Variants in HS3ST3A1 observed in about 807,000 individuals in gnomAD.
The protein encoded by HS3ST3A1 is heparan sulfate glucosamine 3-O-sulfotransferase 3A1.
A neutral mutation model predicts 25.7 loss-of-function variants in HS3ST3A1; 19 were observed. The observed-to-expected ratio is 0.74, with a 90% CI of 0.52 to 1.08. HS3ST3A1 has a LOEUF of 1.08. Among genes scored for constraint, HS3ST3A1 ranks in the 50% least tolerant of loss-of-function variants. The pLI is 0.00. For missense variants in HS3ST3A1, 459 were observed against 594.3 expected (o/e 0.77, Z 2.37); for synonymous variants, 226 against 278.6 (o/e 0.81, Z 1.88).
intron 1 of HS3ST3A1, among the ~76,000 whole-genome samples, chr17:13,498,777 T>A (rs1395741251): frequency 6.6e-6 from 1 of 152,178 alleles, no homozygotes; most frequent in Admixed American, 6.5e-5. Flanking sequence ...AATGGACAAT[T>A]TCCTCTGTAT....
chr17:13,552,172 C>T (rs1340880013), intron 1 of HS3ST3A1, among the ~76,000 whole-genome samples: 1 of 152,180 alleles, frequency 6.6e-6, no homozygotes, highest in African/African-American at 2.4e-5. Context: ...CTCCGCCTCC[C>T]AGGTTCACAT....
chr17:13,551,066 CA>C (rs3080921), intron 1 of HS3ST3A1, among the ~76,000 whole-genome samples: 7 of 123,948 alleles, frequency 5.6e-5, no homozygotes, highest in African/African-American at 6.5e-5. Context: ...GACTCTGTCT[CA>C]AAAAAAAAAA....
chr17:13,578,960 G>A (rs1167495529), intron 1 of HS3ST3A1, among the ~76,000 whole-genome samples: 1 of 151,896 alleles, frequency 6.6e-6, no homozygotes, highest in African/African-American at 2.4e-5. Context: ...CAGCTACCTA[G>A]GAAAACATTT....
In HS3ST3A1 at chr17:13,496,453, TC is replaced by T. The variant is rs763966287; in HGVS notation, c.964del (p.Glu322SerfsTer31). 2.0e-5 allele frequency: 27 copies of T among 1,371,540 alleles called. No individual in the cohort carries two copies. The highest frequency in any genetic ancestry group is 2.0e-6 in the Non-Finnish European group (2 of 998,856). 85.0% of individuals were successfully genotyped at this position (1,371,540 alleles called of 1,614,324 possible). On this transcript the variant is annotated frameshift_variant, in exon 2 of 2. Coordinates refer to ENST00000284110, the MANE Select transcript of HS3ST3A1 (RefSeq NM_006042.3). LOFTEE classifies it high-confidence loss of function. ...CAGGAAGTCTTGCACGCGGCCCAGC[TC>T]CCCGGCCGGGTCGCTGATGAGCCGC... ...GERLISDPAGELGRVQDFLGL... is the reference protein window; with the variant it reads ...GERLISDPAGXLGRVQDFLGL...
intron 1 of HS3ST3A1, among the ~76,000 whole-genome samples, chr17:13,568,894 G>A (rs963161354): frequency 2.0e-5 from 3 of 152,220 alleles, no homozygotes; most frequent in Admixed American, 6.5e-5. Context: ...TTCACGGGAA[G>A]CATAAACTCA....
intron 1 of HS3ST3A1, among the ~76,000 whole-genome samples, chr17:13,569,183 T>C (rs1227082135): frequency 6.6e-6 from 1 of 152,138 alleles, no homozygotes; most frequent in Non-Finnish European, 1.5e-5. Flanking sequence ...TTTCTCCTGT[T>C]TATTGTCTGT....
intron 1 of HS3ST3A1, among the ~76,000 whole-genome samples, chr17:13,501,571 C>T (rs915140712): frequency 3.3e-5 from 5 of 152,160 alleles, no homozygotes; most frequent in East Asian, 1.9e-4. Flanking sequence ...AATATAAAAA[C>T]GAGGTTTGTG....
chr17:13,576,658 G>A (rs1341850974), intron 1 of HS3ST3A1, among the ~76,000 whole-genome samples: 3 of 152,258 alleles, frequency 2.0e-5, no homozygotes, highest in East Asian at 1.9e-4. Flanking sequence ...TCACCACAGC[G>A]GTGTTAAGGG....
intron 1 of HS3ST3A1, among the ~76,000 whole-genome samples, chr17:13,589,001 G>A (rs1908351790): frequency 6.6e-6 from 1 of 152,080 alleles, no homozygotes; most frequent in South Asian, 2.1e-4. Context: ...CATGTCTTGT[G>A]ATTCATGTTT....
At chr17:13,496,949 G>T in intron 1 of HS3ST3A1, 131 bp from the exon 2 acceptor site, 2 of 1,283,090 alleles carry the variant, frequency 1.6e-6, no homozygotes, top group Non-Finnish European at 2.1e-6. Flanking sequence ...ACATCTGATG[G>T]TGACGTCGCA....
At chr17:13,529,323 C>T (rs906743742) in intron 1 of HS3ST3A1, among the ~76,000 whole-genome samples, 2 of 152,094 alleles carry the variant, frequency 1.3e-5, no homozygotes, top group African/African-American at 4.8e-5. Flanking sequence ...CTATTGCTGA[C>T]TACTTATTCA....
In HS3ST3A1 at chr17:13,494,252, G is replaced by C. The variant is rs1201684616; in HGVS notation, c.*1945C>G. 6.6e-6 allele frequency among the ~76,000 whole-genome samples: 1 copy of C among 152,210 alleles called. No individual in the cohort carries two copies. Among genetic ancestry groups the C allele is most frequent in the Non-Finnish European group, 1.5e-5 (1 of 68,030 alleles). ...GATTCAAGTAGAATAAAAACAGTCT[G>C]TGGCACTGGGAAATTGAGAGCATAG... On this transcript the variant is annotated 3_prime_UTR_variant, in exon 2 of 2. Coordinates refer to ENST00000284110, the MANE Select transcript of HS3ST3A1 (RefSeq NM_006042.3).
chr17:13,575,664 G>C (rs1414601950), intron 1 of HS3ST3A1, among the ~76,000 whole-genome samples: 1 of 152,178 alleles, frequency 6.6e-6, no homozygotes, highest in Non-Finnish European at 1.5e-5. Context: ...AAGATAAGAA[G>C]GGAGGGAAAT....
At chr17:13,518,988 T>C (rs1230603685) in intron 1 of HS3ST3A1, among the ~76,000 whole-genome samples, 1 of 152,222 alleles carries the variant, frequency 6.6e-6, no homozygotes, top group East Asian at 1.9e-4. Context: ...ATTTTAGCCC[T>C]AGATAACTGA....
chr17:13,570,685 A>G (rs1254630034), intron 1 of HS3ST3A1, among the ~76,000 whole-genome samples: 1 of 152,194 alleles, frequency 6.6e-6, no homozygotes, highest in African/African-American at 2.4e-5. Context: ...CATGTTGCCC[A>G]GGCTGGTCTC....
intron 1 of HS3ST3A1, among the ~76,000 whole-genome samples, chr17:13,558,933 G>C (rs999390246): frequency 6.6e-6 from 1 of 152,174 alleles, no homozygotes; most frequent in African/African-American, 2.4e-5. Flanking sequence ...ATGGTTTAAG[G>C]CTTGAGCTCA....
rs1908096055 is a variant in HS3ST3A1 at position 13,580,919 on chromosome 17, C to T, written c.599+19612G>A. ...AAACAAACAAAAAAAAGAACACACA[C>T]AGTCAATTGAGGTCTCTGGTAGGCG... On this transcript the variant is annotated intron_variant, in intron 1 of 1. Coordinates refer to ENST00000284110, the MANE Select transcript of HS3ST3A1 (RefSeq NM_006042.3). 2.0e-5 allele frequency among the ~76,000 whole-genome samples: 3 copies of T among 151,932 alleles called. No individual in the cohort carries two copies. The South Asian group carries it at 6.2e-4, about 32-fold the overall frequency.
chr17:13,526,481 T>C (rs1906428565), intron 1 of HS3ST3A1, among the ~76,000 whole-genome samples: 1 of 62,034 alleles, frequency 1.6e-5, no homozygotes, highest in Non-Finnish European at 3.1e-5. Flanking sequence ...TTTTTATATA[T>C]ATATATATAT....
intron 1 of HS3ST3A1, among the ~76,000 whole-genome samples, chr17:13,573,106 T>C (rs1326271090): frequency 1.3e-5 from 2 of 152,176 alleles, no homozygotes; most frequent in African/African-American, 4.8e-5. Context: ...GACAAATCCA[T>C]CAGATTTTCA....
Sources: gnomAD v4.1 joint callset for allele counts (sites outside exome capture counted in the v4.1 genomes callset) on GRCh38, gnomAD v4.1.1 for gene constraint, MANE v1.5 for transcripts, NCBI Gene and HGNC (gene_info 2026-07-23, HGNC 2026-07-21) for gene names.